Variants in IKBIP observed in about 807,000 individuals in gnomAD.
The protein encoded by IKBIP is IKBKB interacting protein.
IKBIP carries 28 observed loss-of-function variants against 31.0 expected under a neutral mutation model. That is an observed-to-expected ratio of 0.90 (90% CI 0.67 to 1.24). The LOEUF is 1.24. Ranked by LOEUF, IKBIP falls within the 50% of genes most tolerant of loss-of-function variation. IKBIP has a pLI of 0.00. For synonymous variants in IKBIP, 164 were observed against 160.3 expected (o/e 1.02, Z -0.17); for missense variants, 453 against 441.9 (o/e 1.03, Z -0.23).
chr12:98,634,545 T>C lies in IKBIP; in HGVS notation c.180-132A>G, dbSNP rs575007993. 462 of 569,442 alleles carry C rather than the reference T, an allele frequency of 8.1e-4. 3 individuals are homozygous for C. The highest frequency in any genetic ancestry group is 7.7e-3 in the African/African-American group (401 of 52,016). The allele number at this position is 569,442 out of a possible 1,614,324, so 35.3% of individuals were successfully genotyped here. ...ATGGGTAGCTGTAGGTTTTTTTTTT[T>C]TTTTTTTCACACAGGGTCTCACTCT... On this transcript the variant is annotated intron_variant, in intron 1 of 2. Transcript: ENST00000299157.
Position 98,625,440 on chromosome 12 carries a change from C to T in IKBIP, c.*490G>A, listed in dbSNP as rs561361303. 1.1e-4 allele frequency: 40 copies of T among 359,118 alleles called. No homozygotes were observed. The Admixed American group carries it at 1.5e-3, about 13-fold the overall frequency. 22.2% of individuals were successfully genotyped at this position (359,118 alleles called of 1,614,324 possible). A position where few individuals can be genotyped will look rare whatever the true frequency, so the allele number is the denominator to read the frequency against. On this transcript the variant is annotated 3_prime_UTR_variant, in exon 3 of 3. Transcript: ENST00000299157. ...TGAACTTGGTTGTGTGGATTCTTAACCTGCAGTGAATTACCTAAGAAAGTG... is the reference window on the plus strand; with the variant it reads ...TGAACTTGGTTGTGTGGATTCTTAATCTGCAGTGAATTACCTAAGAAAGTG...
exon 3 of IKBIP, chr12:98,614,286 G>A (rs1428596022): frequency 1.2e-6 from 2 of 1,602,132 alleles, no homozygotes; most frequent in Non-Finnish European, 8.5e-7. Context: ...CGCTTTAGAT[G>A]AGCAATTATT....
chr12:98,626,468 G>C lies in IKBIP; in HGVS notation c.596C>G (p.Thr199Ser). The C allele has an allele frequency of 6.2e-7, 1 of 1,613,266 alleles. No homozygotes were observed. Among genetic ancestry groups the C allele is most frequent in the Non-Finnish European group, 8.5e-7 (1 of 1,180,010 alleles). The change falls in exon 3 of 3, where the codon ACT becomes AGT. Residue 199 changes from threonine (T) to serine (S), a missense_variant. By Grantham distance (58) the Thr-to-Ser change is moderately conservative. Coordinates refer to ENST00000299157, the MANE Select transcript of IKBIP (RefSeq NM_153687.4). ...ATCTTCCAAATCTTTTAGCCGTTCA[G>C]TGAGCAATTTTATTTCCTGCTCAGC... Reference protein sequence around the residue: ...NSAEQEIKLLTERLKDLEDST... With the variant: ...NSAEQEIKLLSERLKDLEDST...
chr12:98,632,512 AATATATATATATATATAT>A (rs71436924), intron 2 of IKBIP, among the ~76,000 whole-genome samples: 639 of 22,800 alleles, frequency 0.028, 37 homozygotes, highest in African/African-American at 0.08. Flanking sequence ...AAAAAAAAAA[AATATATATATATATATAT>A]ATATATATAT....
chr12:98,635,507 A>T (rs142972143), intron 1 of IKBIP, among the ~76,000 whole-genome samples: 197 of 152,334 alleles, frequency 1.3e-3, no homozygotes, highest in East Asian at 0.012. Context: ...CAGCCCACCA[A>T]ATAAGATGGT....
downstream of IKBIP, among the ~76,000 whole-genome samples, chr12:98,622,880 T>A (rs1224776918): frequency 2.1e-5 from 3 of 144,910 alleles, no homozygotes; most frequent in Admixed American, 2.0e-4. Context: ...TTTAAGGCAA[T>A]ATTACATTTA....
chr12:98,643,863 T>G (rs1482939556), intron 1 of IKBIP, among the ~76,000 whole-genome samples: 1 of 143,248 alleles, frequency 7.0e-6, no homozygotes, highest in African/African-American at 2.5e-5. Context: ...TCGCCCAGGC[T>G]GGAGTGCAGT....
chr12:98,642,318 T>A (rs1039024058), intron 1 of IKBIP, among the ~76,000 whole-genome samples: 1 of 151,926 alleles, frequency 6.6e-6, no homozygotes, highest in Non-Finnish European at 1.5e-5. Flanking sequence ...CCCAGCTAAT[T>A]TTTGTGTTTT....
At chr12:98,614,070 T>C in exon 3 of IKBIP, 2 of 1,612,642 alleles carry the variant, frequency 1.2e-6, no homozygotes, top group Non-Finnish European at 1.7e-6. Flanking sequence ...GTCAATGATA[T>C]TACATCAGTT....
chr12:98,634,834 C>A, intron 1 of IKBIP, among the ~76,000 whole-genome samples: 1 of 151,654 alleles, frequency 6.6e-6, no homozygotes, highest in Middle Eastern at 3.4e-3. Flanking sequence ...CTCAGCCTCC[C>A]GAGTAGCTAC....
Position 98,631,085 on chromosome 12 carries a change from A to G in IKBIP, c.297+3211T>C, listed in dbSNP as rs112563971. The stretch of plus-strand genomic sequence containing the variant: ...GTAGCTGGGATTACAGGCATGCACC[A>G]TCATGCCCAGGTAATTTTTTGTACT... On this transcript the variant is annotated intron_variant, in intron 2 of 2. Coordinates refer to ENST00000299157, the MANE Select transcript of IKBIP (RefSeq NM_153687.4). Among the ~76,000 whole-genome samples the G allele has an allele frequency of 7.5e-4, 114 of 151,930 alleles. 1 individual carries two copies. Among genetic ancestry groups the G allele is most frequent in the African/African-American group, 2.6e-3 (107 of 41,442 alleles).
rs749630381 is a variant in IKBIP at position 98,626,289 on chromosome 12, G to A, written c.775C>T (p.Leu259Phe). 6.2e-7 allele frequency: 1 copy of A among 1,614,162 alleles called. No homozygotes were observed. The highest frequency in any genetic ancestry group is 1.7e-5 in the Admixed American group (1 of 60,012). The change falls in exon 3 of 3, where the codon CTT becomes TTT. Residue 259 changes from leucine to phenylalanine, a missense_variant. By Grantham distance (22) the Leu-to-Phe change is conservative. Coordinates refer to ENST00000299157, the MANE Select transcript of IKBIP (RefSeq NM_153687.4). ...FARDEDLTNKLSDYEPKVEEC... is the reference protein window; with the variant it reads ...FARDEDLTNKFSDYEPKVEEC... ...TCAACTTTGGGTTCGTAGTCGGAAA[G>A]TTTATTAGTCAGATCTTCATCTCTG...
In IKBIP at chr12:98,630,687, T is replaced by A. The variant is rs116998857; in HGVS notation, c.297+3609A>T. On this transcript the variant is annotated intron_variant, in intron 2 of 2. Transcript: ENST00000299157. ...CGTTGAGGACTTACTGTATATCTCA[T>A]CTGATCTTTATAAAAATCTTATTAT... Among the ~76,000 whole-genome samples, 149 of 152,320 alleles carry A rather than the reference T, an allele frequency of 9.8e-4. 1 individual carries two copies. The highest frequency in any genetic ancestry group is 6.6e-3 in the South Asian group (32 of 4,826).
intron 2 of IKBIP, among the ~76,000 whole-genome samples, chr12:98,627,615 T>C (rs940442789): frequency 6.6e-6 from 1 of 152,052 alleles, no homozygotes; most frequent in Non-Finnish European, 1.5e-5. Context: ...ATTTTTTGTA[T>C]TTTTAGTAGA....
In IKBIP at chr12:98,626,015, T is replaced by C; in HGVS notation, c.1049A>G (p.Asp350Gly). ...TCCTGTACTTGAGTATGCTATAAAATCATGAACTTTTTCTTTTAGAATATC... is the reference window on the plus strand; with the variant it reads ...TCCTGTACTTGAGTATGCTATAAAACCATGAACTTTTTCTTTTAGAATATC... Reference protein sequence around the residue: ...ELDILKEKVHDFIAYSSTGEK... With the variant: ...ELDILKEKVHGFIAYSSTGEK... The change falls in exon 3 of 3, where the codon GAT (aspartate) becomes GGT (glycine). Residue 350 changes from aspartate (D) to glycine (G), a missense_variant. Asp to Gly is a moderately conservative substitution (Grantham distance 94). Coordinates refer to ENST00000299157, the MANE Select transcript of IKBIP (RefSeq NM_153687.4). 6.4e-7 allele frequency: 1 copy of C among 1,558,884 alleles called. No homozygotes were observed. The highest frequency in any genetic ancestry group is 8.7e-7 in the Non-Finnish European group (1 of 1,149,148).
intron 1 of IKBIP, among the ~76,000 whole-genome samples, chr12:98,639,837 C>G (rs1357018990): frequency 2.6e-5 from 4 of 152,190 alleles, no homozygotes; most frequent in Admixed American, 1.3e-4. Flanking sequence ...GGGTCAGTAC[C>G]CATTTAGCCC....
In IKBIP at chr12:98,616,710, C is replaced by T. The variant is rs58183065; in HGVS notation, c.298-2370G>A. Among the ~76,000 whole-genome samples, 263 of 152,218 alleles carry T rather than the reference C, an allele frequency of 1.7e-3. 6 individuals are homozygous for T. The East Asian group carries it at 0.045, about 26-fold the overall frequency. ...GTTTCATTCTTCTGCATAGGATATC[C>T]AGTTTTCTCAACAGCATTTATTAAA... On this transcript the variant is annotated intron_variant, in intron 2 of 2. Coordinates refer to the IKBIP transcript ENST00000342502.
rs2097613365 is a variant in IKBIP, at chr12:98,625,441, C to T, written c.*489G>A. 2.8e-6 allele frequency: 1 copy of T among 353,874 alleles called. No individual in the cohort carries two copies. Among genetic ancestry groups the T allele is most frequent in the African/African-American group, 2.2e-5 (1 of 45,098 alleles). 21.9% of individuals were successfully genotyped at this position (353,874 alleles called of 1,614,324 possible). ...GAACTTGGTTGTGTGGATTCTTAAC[C>T]TGCAGTGAATTACCTAAGAAAGTGA... On this transcript the variant is annotated 3_prime_UTR_variant, in exon 3 of 3. Coordinates refer to ENST00000299157, the MANE Select transcript of IKBIP (RefSeq NM_153687.4).
At chr12:98,634,562 T>C in intron 1 of IKBIP, 149 bp from the exon 2 acceptor site, 1 of 558,048 alleles carries the variant, frequency 1.8e-6, no homozygotes, top group Non-Finnish European at 3.1e-6. Context: ...TCACACAGGG[T>C]CTCACTCTGT....
Sources: gnomAD v4.1 joint callset for allele counts (sites outside exome capture counted in the v4.1 genomes callset) on GRCh38, gnomAD v4.1.1 for gene constraint, MANE v1.5 for transcripts, NCBI Gene and HGNC (gene_info 2026-07-23, HGNC 2026-07-21) for gene names.